TMEM242: variants seen among roughly 807,000 people sequenced by gnomAD.
The protein encoded by TMEM242 is transmembrane protein 242.
In TMEM242, 10 loss-of-function variants were observed where a neutral mutation model predicts 18.2. The ratio of observed to expected loss-of-function variants is 0.55; its 90% confidence interval spans 0.34 to 0.93. The LOEUF is 0.93. Among genes scored for constraint, TMEM242 ranks in the 40% least tolerant of loss-of-function variants. The pLI is 0.02. For synonymous variants in TMEM242, 57 were observed against 69.9 expected (o/e 0.81, Z 0.92); for missense variants, 186 against 175.5 (o/e 1.06, Z -0.34).
At chr6:157,314,950 G>A (rs375566034) in intron 3 of TMEM242, among the ~76,000 whole-genome samples, 1 of 152,180 alleles carries the variant, frequency 6.6e-6, no homozygotes, top group African/African-American at 2.4e-5. Flanking sequence ...TTTTGTATTG[G>A]AACTGGGTTT....
At chr6:157,299,232 T>G (rs587725432) in intron 3 of TMEM242, 4 of 716,176 alleles carry the variant, frequency 5.6e-6, no homozygotes, top group Non-Finnish European at 1.1e-5. Flanking sequence ...CAAAATACTT[T>G]CTGTTAAATC....
At chr6:157,295,607 C>A (rs1175203289) in intron 3 of TMEM242, among the ~76,000 whole-genome samples, 2 of 152,138 alleles carry the variant, frequency 1.3e-5, no homozygotes, top group African/African-American at 2.4e-5. Flanking sequence ...GAGCAAGGGG[C>A]GGTCCTGCTC....
At chr6:157,299,056 G>T in intron 3 of TMEM242, 1 of 323,312 alleles carries the variant, frequency 3.1e-6, no homozygotes, top group Non-Finnish European at 6.1e-6. Flanking sequence ...TAAAGCTTCA[G>T]TTCCTTCTGA....
chr6:157,295,963 A>G (rs988901707), intron 3 of TMEM242, among the ~76,000 whole-genome samples: 34 of 151,934 alleles, frequency 2.2e-4, no homozygotes, highest in African/African-American at 7.7e-4. Context: ...ACAGTAAATG[A>G]AAACCTTCAC....
chr6:157,314,278 T>C (rs958138994), intron 3 of TMEM242, among the ~76,000 whole-genome samples: 4 of 147,482 alleles, frequency 2.7e-5, no homozygotes, highest in African/African-American at 7.5e-5. Context: ...TCACCTGGCC[T>C]CATCATAGTG....
intron 3 of TMEM242, among the ~76,000 whole-genome samples, chr6:157,311,240 C>T (rs1778066478): frequency 1.7e-5 from 2 of 115,888 alleles, no homozygotes; most frequent in African/African-American, 3.4e-5. Flanking sequence ...ATCATAGTGT[C>T]CCAGTGTGCG....
intron 3 of TMEM242, among the ~76,000 whole-genome samples, chr6:157,309,718 G>A (rs1679686523): frequency 6.6e-6 from 1 of 151,216 alleles, no homozygotes; most frequent in Non-Finnish European, 1.5e-5. Flanking sequence ...ATGGCAAAGG[G>A]GTAAAAAAAC....
chr6:157,311,350 G>C (rs201872986), intron 3 of TMEM242, among the ~76,000 whole-genome samples: 13 of 133,748 alleles, frequency 9.7e-5, no homozygotes, highest in South Asian at 4.6e-4. Context: ...GTCCCAGTGT[G>C]CGCTCACCTA....
At chr6:157,300,086 A>G (rs1554247406) in intron 3 of TMEM242, 3 of 694,276 alleles carry the variant, frequency 4.3e-6, no homozygotes, top group African/African-American at 3.6e-5. Context: ...TGCCGAGCTC[A>G]CTCTCCGGCT....
chr6:157,294,890 C>T (rs189840746), intron 3 of TMEM242, among the ~76,000 whole-genome samples: 1 of 152,232 alleles, frequency 6.6e-6, no homozygotes, highest in East Asian at 1.9e-4. Context: ...TCTATTAAGC[C>T]ATACTTTCCA....
chr6:157,299,919 C>T (rs1422453589), intron 3 of TMEM242: 1 of 1,611,586 alleles, frequency 6.2e-7, no homozygotes, highest in Non-Finnish European at 8.5e-7. Flanking sequence ...GCCATGCCCA[C>T]CGATCCAGTT....
chr6:157,310,760 C>CTT (rs1778011210), intron 3 of TMEM242, among the ~76,000 whole-genome samples: 1 of 140,240 alleles, frequency 7.1e-6, no homozygotes, highest in Non-Finnish European at 1.6e-5. Flanking sequence ...ACTCACCCGG[C>CTT]CTCATCATAG....
chr6:157,295,330 C>T (rs1026557198), intron 3 of TMEM242, among the ~76,000 whole-genome samples: 1 of 152,218 alleles, frequency 6.6e-6, no homozygotes, highest in African/African-American at 2.4e-5. Context: ...ATTAATATCA[C>T]CCCCACTGAG....
chr6:157,322,788 T>C lies in TMEM242; in HGVS notation c.106A>G (p.Thr36Ala), dbSNP rs782327772. The change falls in exon 2 of 4, where the codon ACC becomes GCC. Residue 36 changes from threonine (T) to alanine (A), a missense_variant. Transcript: ENST00000400788. ...FLVKGGIFLG[T>A]VAAAGMLAGF... ...GCTAGCATTCCCGCTGCAGCAACGG[T>C]ACCAAGGAAAATTCCACCTGCCAAG... is the stretch of plus-strand genomic sequence containing the variant. 1.6e-5 allele frequency: 26 copies of C among 1,613,616 alleles called. No individual in the cohort carries two copies. Among genetic ancestry groups the C allele is most frequent in the Non-Finnish European group, 1.9e-5 (22 of 1,179,862 alleles).
intron 3 of TMEM242, among the ~76,000 whole-genome samples, chr6:157,311,352 G>A (rs370018780): frequency 3.0e-3 from 76 of 25,060 alleles, no homozygotes; most frequent in Non-Finnish European, 3.3e-3. Flanking sequence ...CCCAGTGTGC[G>A]CTCACCTAGC....
intron 3 of TMEM242, among the ~76,000 whole-genome samples, chr6:157,304,504 G>C (rs1327907547): frequency 3.6e-5 from 5 of 139,772 alleles, no homozygotes; most frequent in African/African-American, 1.3e-4. Flanking sequence ...GAGAGAGAGA[G>C]AGTGCCACTG....
At chr6:157,320,998 C>CTTTTTTTTTTTTTTTTTTTT (rs201521248) in intron 2 of TMEM242, among the ~76,000 whole-genome samples, 3 of 135,592 alleles carry the variant, frequency 2.2e-5, no homozygotes, top group Non-Finnish European at 1.6e-5. Flanking sequence ...TTTCCCATTT[C>CTTTTTTTTTTTTTTTTTTTT]TTTTTTTTTT....
At chr6:157,320,295 T>C (rs1387735993) in intron 2 of TMEM242, among the ~76,000 whole-genome samples, 2 of 152,224 alleles carry the variant, frequency 1.3e-5, no homozygotes, top group Admixed American at 6.5e-5. Context: ...AAGTGGGTTG[T>C]ATTTATCAAT....
At chr6:157,301,231 G>C (rs1467893778) in intron 3 of TMEM242, among the ~76,000 whole-genome samples, 1 of 152,032 alleles carries the variant, frequency 6.6e-6, no homozygotes, top group Admixed American at 6.5e-5. Context: ...GGTACATGTA[G>C]CTCCTCATGA....
Sources: gnomAD v4.1 joint callset for allele counts (sites outside exome capture counted in the v4.1 genomes callset) on GRCh38, gnomAD v4.1.1 for gene constraint, MANE v1.5 for transcripts, NCBI Gene and HGNC (gene_info 2026-07-23, HGNC 2026-07-21) for gene names.